Variants in ZC3H12B observed in about 807,000 individuals in gnomAD.
ZC3H12B encodes the protein zinc finger CCCH-type containing 12B, also known as probable ribonuclease ZC3H12B.
Under a neutral mutation model 43.9 loss-of-function variants are expected in ZC3H12B, and 7 were observed. The ratio of observed to expected loss-of-function variants is 0.16; its 90% confidence interval spans 0.09 to 0.30. The LOEUF is 0.30. Among genes scored for constraint, ZC3H12B ranks in the 10% least tolerant of loss-of-function variants. ZC3H12B has a pLI of 1.00. For synonymous variants in ZC3H12B, 222 were observed against 241.7 expected (o/e 0.92, Z 0.76); for missense variants, 475 against 670.2 (o/e 0.71, Z 3.22).
chrX:65,490,755 T>C (rs940602139), intron 1 of ZC3H12B, among the ~76,000 whole-genome samples: 6 of 111,909 alleles, frequency 5.4e-5, no homozygotes, highest in East Asian at 2.8e-4. Context: ...CTTTTTCCTA[T>C]TGAGTCTATC....
chrX:65,374,218 T>A (rs7886825), intron 2 of ZC3H12B, among the ~76,000 whole-genome samples: 1 of 83,661 alleles, frequency 1.2e-5, no homozygotes, highest in African/African-American at 4.8e-5. Context: ...TAGTTATATA[T>A]GTACTCTATA....
the ZC3H12B span, among the ~76,000 whole-genome samples, chrX:65,326,604 A>C: frequency 9.1e-6 from 1 of 109,501 alleles, no homozygotes; most frequent in East Asian, 2.8e-4. Context: ...GATTGTCAGC[A>C]TGACCATAGT....
chrX:65,366,539 T>A (rs1436350802), upstream of ZC3H12B: 1 of 112,466 alleles, frequency 8.9e-6, no homozygotes, highest in Non-Finnish European at 1.9e-5. Context: ...TATTCTTTTT[T>A]AATCACTTTC....
chrX:65,341,404 A>G, the ZC3H12B span, among the ~76,000 whole-genome samples: 3 of 111,677 alleles, frequency 2.7e-5, no homozygotes, highest in Non-Finnish European at 5.6e-5. Flanking sequence ...AAGACATATA[A>G]CCATCAGATT....
intron 3 of ZC3H12B, among the ~76,000 whole-genome samples, chrX:65,448,444 G>A (rs981130270): frequency 8.9e-6 from 1 of 111,892 alleles, no homozygotes; most frequent in Admixed American, 9.5e-5. Flanking sequence ...AAACCTGCAC[G>A]TGTATGTTTA....
intron 3 of ZC3H12B, among the ~76,000 whole-genome samples, chrX:65,454,869 G>T (rs1268371017): frequency 8.9e-6 from 1 of 111,881 alleles, no homozygotes; most frequent in Non-Finnish European, 1.9e-5. Flanking sequence ...GGCAAACAGG[G>T]TCTGGAGTGG....
At chrX:65,505,937 A>G (rs1021765317) in exon 5 of ZC3H12B, 1 of 112,646 alleles carries the variant, frequency 8.9e-6, no homozygotes, top group East Asian at 2.8e-4. Context: ...CAATGCCTCA[A>G]ATAACCAGAA....
At chrX:65,413,888 A>G (rs2066931842) in intron 3 of ZC3H12B, among the ~76,000 whole-genome samples, 1 of 112,189 alleles carries the variant, frequency 8.9e-6, no homozygotes. Context: ...GAGTATTATT[A>G]CCATCTTAAC....
At chrX:65,446,201 G>A (rs1467575159) in intron 3 of ZC3H12B, among the ~76,000 whole-genome samples, 1 of 111,783 alleles carries the variant, frequency 8.9e-6, no homozygotes, top group Non-Finnish European at 1.9e-5. Context: ...TTATTTTACT[G>A]GGGCTGAGCT....
At chrX:65,200,818 G>T in the ZC3H12B span, among the ~76,000 whole-genome samples, 1 of 110,856 alleles carries the variant, frequency 9.0e-6, no homozygotes, top group South Asian at 3.9e-4. Context: ...TGTTGCAATT[G>T]CTTTCGGCAT....
intron 4 of ZC3H12B, among the ~76,000 whole-genome samples, chrX:65,501,313 A>T (rs1376486487): frequency 1.0e-5 from 1 of 96,376 alleles, no homozygotes; most frequent in Non-Finnish European, 2.0e-5. Context: ...GATCAGTGGC[A>T]TGATCACGGC....
the ZC3H12B span, among the ~76,000 whole-genome samples, chrX:65,080,983 G>T: frequency 9.4e-6 from 1 of 106,667 alleles, no homozygotes; most frequent in Non-Finnish European, 1.9e-5. Flanking sequence ...AAAAGCAGGG[G>T]GACAAAGTTA....
chrX:65,277,924 G>A, the ZC3H12B span, among the ~76,000 whole-genome samples: 2 of 110,609 alleles, frequency 1.8e-5, no homozygotes, highest in Admixed American at 9.6e-5. Context: ...AAGGAAAGTT[G>A]TTATTTGGAA....
chrX:65,366,050 A>G (rs1242053927), upstream of ZC3H12B, among the ~76,000 whole-genome samples: 1 of 110,983 alleles, frequency 9.0e-6, no homozygotes, highest in Non-Finnish European at 1.9e-5. Context: ...GGACTGTTAC[A>G]CAGCATTAGG....
intron 3 of ZC3H12B, among the ~76,000 whole-genome samples, chrX:65,452,813 C>T (rs5918949): frequency 4.8e-4 from 50 of 104,728 alleles, no homozygotes; most frequent in Non-Finnish European, 9.0e-4. Flanking sequence ...TGCATTCCAG[C>T]CTGGGCAACA....
chrX:65,407,623 AGAG>A (rs1396978952), intron 3 of ZC3H12B, among the ~76,000 whole-genome samples: 2 of 113,570 alleles, frequency 1.8e-5, no homozygotes, highest in African/African-American at 6.4e-5. Flanking sequence ...GAAAACCCGA[AGAG>A]GAGGCGGACC....
At chrX:65,507,616 G>GT (rs1270993171) in exon 5 of ZC3H12B, 1 of 111,725 alleles carries the variant, frequency 9.0e-6, no homozygotes, top group Non-Finnish European at 1.9e-5. Context: ...ATCTCTTTGG[G>GT]TTTTTTGTTT....
the ZC3H12B span, among the ~76,000 whole-genome samples, chrX:65,356,728 C>T: frequency 7.1e-5 from 8 of 111,943 alleles, no homozygotes; most frequent in South Asian, 3.7e-4. Context: ...TGATGCTTCT[C>T]AGCATGCAGC....
chrX:65,267,104 C>T, the ZC3H12B span, among the ~76,000 whole-genome samples: 2 of 110,397 alleles, frequency 1.8e-5, no homozygotes, highest in African/African-American at 6.6e-5. Context: ...GATATGATAA[C>T]TAAAGCAGGG....
Sources: allele counts gnomAD v4.1 joint callset (sites outside exome capture counted in the v4.1 genomes callset), GRCh38; gene constraint gnomAD v4.1.1; transcripts MANE v1.5; gene names NCBI Gene and HGNC (gene_info 2026-07-23, HGNC 2026-07-21).